The following PCDHGB7 variants were observed in gnomAD, a reference collection of about 807,000 sequenced individuals.
PCDHGB7 encodes the protein protocadherin gamma-B7.
A neutral mutation model predicts 61.4 loss-of-function variants in PCDHGB7; 37 were observed. That is an observed-to-expected ratio of 0.60 (90% CI 0.46 to 0.79). The LOEUF is 0.79. Among genes scored for constraint, PCDHGB7 ranks in the 30% least tolerant of loss-of-function variants. The pLI, the probability that PCDHGB7 is intolerant of heterozygous loss-of-function variation, is 0.00. For synonymous variants in PCDHGB7, 464 were observed against 503.5 expected, an observed-to-expected ratio of 0.92 and a Z score of 1.05; for missense variants, 1,166 against 1,202.5, an observed-to-expected ratio of 0.97 and a Z score of 0.45.
rs762908598 is a variant in PCDHGB7 at position 141,491,157 on chromosome 5, T to A, written c.2416-3650T>A. The A allele has an allele frequency of 3.7e-6, 6 of 1,614,108 alleles. No homozygotes were observed. The Admixed American group carries it at 8.3e-5, about 22-fold the overall frequency. On this transcript the variant is annotated intron_variant, in intron 1 of 3. Transcript: ENST00000398594. The surrounding 1 kb of genome is among the most constrained non-coding windows in gnomAD (Gnocchi z 6.9). ...CCCGGGCCTTACTGGAGGATGACTC[T>A]GACACCCAGCAGGTGGTGGTCCTGG...
At chr5:141,503,332 C>T (rs536647792) in intron 2 of PCDHGB7, among the ~76,000 whole-genome samples, 5 of 152,074 alleles carry the variant, frequency 3.3e-5, no homozygotes, top group Admixed American at 6.5e-5. Context: ...CGCGGTGGCT[C>T]ACGCCTGTAA....
intron 1 of PCDHGB7, chr5:141,427,865 G>T: frequency 6.4e-7 from 1 of 1,558,148 alleles, no homozygotes; most frequent in Non-Finnish European, 8.8e-7. Context: ...GCGCCTTCGA[G>T]CTCACGATGC....
At chr5:141,423,049 C>T (rs1418805817) in intron 1 of PCDHGB7, 3 of 1,614,094 alleles carry the variant, frequency 1.9e-6, no homozygotes, top group East Asian at 2.2e-5. Flanking sequence ...GCTGTCCTAT[C>T]GCCTGCTTAA....
rs1226844501 is a variant in PCDHGB7, at chr5:141,419,393, G to T, written c.1534G>T (p.Gly512Trp). 2 of 1,613,620 alleles carry T rather than the reference G, an allele frequency of 1.2e-6. No individual in the cohort carries two copies. Among genetic ancestry groups the T allele is most frequent in the Non-Finnish European group, 1.7e-6 (2 of 1,179,912 alleles). ...CTACGTGTCCGTGAGCGCGCAGAGC[G>T]GGGTGGTGTTCGCGCAGCGCGCCTT... is the stretch of plus-strand genomic sequence containing the variant. ...SSYVSVSAQS[G>W]VVFAQRAFDH... The change falls in exon 1 of 4, where the codon GGG (glycine) becomes TGG (tryptophan). Residue 512 changes from glycine to tryptophan, a missense_variant. Gly to Trp is a radical substitution (Grantham distance 184, BLOSUM62 -2). Coordinates refer to ENST00000398594, the MANE Select transcript of PCDHGB7 (RefSeq NM_018927.4).
chr5:141,471,562 G>T (rs2099259935), intron 1 of PCDHGB7: 1 of 152,136 alleles, frequency 6.6e-6, no homozygotes, highest in Non-Finnish European at 1.5e-5. Flanking sequence ...TTGACTCAGG[G>T]GTAGCAGTAG....
intron 1 of PCDHGB7, among the ~76,000 whole-genome samples, chr5:141,445,156 GT>G (rs1248104914): frequency 6.6e-6 from 1 of 152,018 alleles, no homozygotes; most frequent in Non-Finnish European, 1.5e-5. Flanking sequence ...TTCATTTCTA[GT>G]TTACAGAAAA....
At chr5:141,439,124 CAG>C (rs2098089371) in intron 1 of PCDHGB7, among the ~76,000 whole-genome samples, 1 of 150,004 alleles carries the variant, frequency 6.7e-6, no homozygotes, top group Non-Finnish European at 1.5e-5. Flanking sequence ...ACCCGGGAGA[CAG>C]AGGTTGCAGT....
rs373424450 is a variant in PCDHGB7, at chr5:141,450,829, AT to A, written c.2415+30568del. 1.1e-3 allele frequency among the ~76,000 whole-genome samples: 154 copies of A among 135,102 alleles called. 1 individual carries two copies. Among genetic ancestry groups the A allele is most frequent in the South Asian group, 8.9e-3 (38 of 4,254 alleles). 88.6% of individuals were successfully genotyped at this position (135,102 alleles called of 152,430 possible). ...TTATTTATTTAATATTATTATTATTATTTTTTTTTTTTTGAGATGGGGTCTT... is the reference window on the plus strand; with the variant it reads ...TTATTTATTTAATATTATTATTATTATTTTTTTTTTTTGAGATGGGGTCTT... On this transcript the variant is annotated intron_variant, in intron 1 of 3. Transcript: ENST00000398594.
chr5:141,419,499 G>A lies in PCDHGB7; in HGVS notation c.1640G>A (p.Ser547Asn). Residue 547 changes from serine to asparagine, a missense_variant, in exon 1 of 4, where the codon AGC becomes AAC. By Grantham distance (46) the Ser-to-Asn change is conservative. Coordinates refer to ENST00000398594, the MANE Select transcript of PCDHGB7 (RefSeq NM_018927.4). ...QGSPALSANV[S>N]LRVLVGDRND... is the part of the protein sequence containing the mutation. Reference sequence around the variant, plus strand: ...TCGCCCGCGCTCAGCGCCAATGTGAGCCTGCGCGTGTTGGTGGGCGACCGT... The same window carrying A: ...TCGCCCGCGCTCAGCGCCAATGTGAACCTGCGCGTGTTGGTGGGCGACCGT... 1 of 1,612,368 alleles carries A rather than the reference G, an allele frequency of 6.2e-7. No individual in the cohort carries two copies. The highest frequency in any genetic ancestry group is 8.5e-7 in the Non-Finnish European group (1 of 1,179,508).
In PCDHGB7 at chr5:141,432,088, A is replaced by T. The variant is rs144317211; in HGVS notation, c.2415+11814A>T. The T allele has an allele frequency of 2.9e-5, 47 of 1,614,148 alleles. No individual in the cohort carries two copies. In the African/African-American group the frequency reaches 5.7e-4, roughly 20 times the overall value. On this transcript the variant is annotated intron_variant, in intron 1 of 3. Transcript: ENST00000398594. This position sits in a 1 kb window ranked among gnomAD's most constrained non-coding sequence, Gnocchi z 6.0. Reference sequence around the variant, plus strand: ...AAACTCATATCTCGCTGAACGTGGCAGACACCAACGACAACCCGCCGGTCT... The same window carrying T: ...AAACTCATATCTCGCTGAACGTGGCTGACACCAACGACAACCCGCCGGTCT...
intron 1 of PCDHGB7, chr5:141,427,017 TAC>T (rs764268354): frequency 2.2e-5 from 10 of 456,792 alleles, no homozygotes; most frequent in South Asian, 1.4e-4. Context: ...CCAGGATGTA[TAC>T]AAAGTCAGCC....
At chr5:141,458,651 C>T (rs924873907) in intron 1 of PCDHGB7, among the ~76,000 whole-genome samples, 1 of 152,114 alleles carries the variant, frequency 6.6e-6, no homozygotes. Context: ...CTCACTGCAA[C>T]CTCCACCTCT....
rs761350249 is a variant in PCDHGB7 at position 141,418,909 on chromosome 5, G to A, written c.1050G>A (p.Thr350=). Reference sequence around the variant, plus strand: ...ACAACAGCCCAGAAATAATCATCACGTCACTCTCTGATCAGATTATGGAGG... The same window carrying A: ...ACAACAGCCCAGAAATAATCATCACATCACTCTCTGATCAGATTATGGAGG... ...ENDNSPEIII[T]SLSDQIMEDS... Residue 350 remains threonine (T), a synonymous_variant, in exon 1 of 4, where the codon ACG becomes ACA. Coordinates refer to ENST00000398594, the MANE Select transcript of PCDHGB7 (RefSeq NM_018927.4). The A allele has an allele frequency of 1.9e-6, 3 of 1,613,906 alleles. No homozygotes were observed. In the Admixed American group the frequency reaches 5.0e-5, roughly 27 times the overall value.
At chr5:141,453,495 C>T (rs1490576605) in intron 1 of PCDHGB7, among the ~76,000 whole-genome samples, 1 of 151,968 alleles carries the variant, frequency 6.6e-6, no homozygotes, top group Admixed American at 6.6e-5. Flanking sequence ...AAAAGGTGTA[C>T]TCAGAAAATT....
intron 1 of PCDHGB7, among the ~76,000 whole-genome samples, chr5:141,451,985 A>G (rs1460304088): frequency 6.6e-6 from 1 of 152,202 alleles, no homozygotes; most frequent in Non-Finnish European, 1.5e-5. Context: ...TAGTTTGTTC[A>G]TTAGAAGCAA....
chr5:141,449,916 T>C (rs1453191109), intron 1 of PCDHGB7, among the ~76,000 whole-genome samples: 1 of 151,912 alleles, frequency 6.6e-6, no homozygotes, highest in East Asian at 1.9e-4. Context: ...CATATTTAAA[T>C]TCTACCATAC....
chr5:141,420,251 G>A lies in PCDHGB7; in HGVS notation c.2392G>A (p.Ala798Thr), dbSNP rs778777293. ...LASILTPSVE[A>T]DKKILKQQAP... is the part of the protein sequence containing the mutation. ...TAGCATTTTAACTCCCAGCGTTGAA[G>A]CAGATAAGAAGATTCTTAAACAGGT... is the stretch of plus-strand genomic sequence containing the variant. Residue 798 changes from alanine to threonine, a missense_variant, in exon 1 of 4, where the codon GCA becomes ACA. Physicochemically the swap from Ala to Thr is moderately conservative, Grantham distance 58. Transcript: ENST00000398594. The A allele has an allele frequency of 2.9e-5, 46 of 1,578,746 alleles. No homozygotes were observed. In the South Asian group the frequency reaches 4.5e-4, roughly 15 times the overall value.
At chr5:141,450,006 CTTT>C (rs1554136305) in intron 1 of PCDHGB7, among the ~76,000 whole-genome samples, 9 of 132,974 alleles carry the variant, frequency 6.8e-5, no homozygotes, top group Admixed American at 7.8e-5. Context: ...TGCCATGTCT[CTTT>C]TTTTTTTTTT....
At chr5:141,453,586 C>T (rs1409763264) in intron 1 of PCDHGB7, among the ~76,000 whole-genome samples, 1 of 152,204 alleles carries the variant, frequency 6.6e-6, no homozygotes, top group Non-Finnish European at 1.5e-5. Context: ...GGTTTATCCT[C>T]ACTGTGTTTC....
Sources: allele counts gnomAD v4.1 joint callset (sites outside exome capture counted in the v4.1 genomes callset), GRCh38; gene constraint gnomAD v4.1.1; non-coding constraint Gnocchi (gnomAD v3.1); transcripts MANE v1.5; gene names NCBI Gene and HGNC (gene_info 2026-07-23, HGNC 2026-07-21).